The following ATP1B3 variants were observed in gnomAD, a reference collection of about 807,000 sequenced individuals.
ATP1B3 encodes the protein sodium/potassium-transporting ATPase subunit beta-3.
A neutral mutation model predicts 30.2 loss-of-function variants in ATP1B3; 10 were observed. The observed-to-expected ratio is 0.33, with a 90% confidence interval of 0.20 to 0.56. The LOEUF (loss-of-function observed/expected upper bound fraction) is 0.56. Among genes scored for constraint, ATP1B3 ranks in the 20% least tolerant of loss-of-function variants. ATP1B3 has a pLI of 0.90. For synonymous variants in ATP1B3, 113 were observed against 117.0 expected (o/e 0.97, Z 0.22); for missense variants, 238 against 336.7 (o/e 0.71, Z 2.29).
chr3:141,915,848 C>G (rs41265477), intron 4 of ATP1B3, 122 bp from the exon 5 acceptor site: 33,086 of 527,400 alleles, frequency 0.063, 1,212 homozygotes, highest in Middle Eastern at 0.12. Context: ...AAGTAAAAGG[C>G]AGATGTATAC....
intron 1 of ATP1B3, among the ~76,000 whole-genome samples, chr3:141,896,371 A>C (rs554347683): frequency 1.5e-4 from 23 of 152,146 alleles, no homozygotes; most frequent in African/African-American, 5.3e-4. Flanking sequence ...ATTTTTTTTA[A>C]TTAGCTGGGC....
intron 1 of ATP1B3, among the ~76,000 whole-genome samples, chr3:141,900,077 C>T (rs1409873465): frequency 3.9e-5 from 6 of 151,928 alleles, no homozygotes; most frequent in African/African-American, 1.5e-4. Context: ...AGGTTCCTGG[C>T]ACAGAGCTTC....
chr3:141,894,116 TAAA>T (rs1221965761), intron 1 of ATP1B3, among the ~76,000 whole-genome samples: 1 of 152,106 alleles, frequency 6.6e-6, no homozygotes, highest in Non-Finnish European at 1.5e-5. Context: ...CATGTAAACA[TAAA>T]AAATGGTATA....
intron 4 of ATP1B3, among the ~76,000 whole-genome samples, chr3:141,915,543 C>T (rs1184950568): frequency 6.6e-6 from 1 of 152,026 alleles, no homozygotes; most frequent in South Asian, 2.1e-4. Flanking sequence ...CTCAGTGGGG[C>T]CCTCATGGAA....
chr3:141,916,485 C>G, intron 5 of ATP1B3: 1 of 1,108,520 alleles, frequency 9.0e-7, no homozygotes, highest in Non-Finnish European at 1.2e-6. Flanking sequence ...ACTTTTTTTT[C>G]CAGAATACTG....
rs141842101 is a variant in ATP1B3 at position 141,924,023 on chromosome 3, A to G, written c.670-1508A>G. ...ATATACTTTTTTTCCTCTGTCATCAATAAGTATCATGTGGGGAGAAAATTA... is the reference window on the plus strand; with the variant it reads ...ATATACTTTTTTTCCTCTGTCATCAGTAAGTATCATGTGGGGAGAAAATTA... On this transcript the variant is annotated intron_variant, in intron 6 of 6. Coordinates refer to ENST00000286371, the MANE Select transcript of ATP1B3 (RefSeq NM_001679.4). 2.0e-4 allele frequency among the ~76,000 whole-genome samples: 30 copies of G among 152,304 alleles called. No homozygotes were observed. In the East Asian group the frequency reaches 5.0e-3, roughly 26 times the overall value.
intron 3 of ATP1B3, among the ~76,000 whole-genome samples, chr3:141,912,917 T>C (rs1934391362): frequency 6.6e-6 from 1 of 152,212 alleles, no homozygotes; most frequent in African/African-American, 2.4e-5. Flanking sequence ...TTTAATAGTC[T>C]CCTAACTTGT....
chr3:141,885,914 CACACACA>C (rs1933821892), intron 1 of ATP1B3, among the ~76,000 whole-genome samples: 1 of 151,274 alleles, frequency 6.6e-6, no homozygotes, highest in African/African-American at 2.4e-5. Context: ...CACACACACA[CACACACA>C]CACCCCTGTA....
At position 141,903,681 on chromosome 3, in the gene ATP1B3, G is replaced by A. The variant is rs1934210025; in HGVS notation, c.171G>A (p.Thr57=). 6 of 1,613,918 alleles carry A rather than the reference G, an allele frequency of 3.7e-6. No homozygotes were observed. The highest frequency in any genetic ancestry group is 1.3e-5 in the African/African-American group (1 of 74,892). ...YGFLAALFSF[T]MWVMLQTLND... is the part of the protein sequence containing the mutation. ...TCCTGGCTGCACTCTTCTCATTCAC[G>A]ATGTGGGTTATGCTTCAGACTCTCA... Residue 57 remains threonine (T), a synonymous_variant, in exon 2 of 7, where the codon ACG becomes ACA. Transcript: ENST00000286371.
rs1356995566 is a variant in ATP1B3 at position 141,926,216 on chromosome 3, T to C, written c.*515T>C. 1 of 152,460 alleles carries C rather than the reference T, an allele frequency of 6.6e-6. No individual in the cohort carries two copies. The highest frequency in any genetic ancestry group is 1.5e-5 in the Non-Finnish European group (1 of 68,070). 9.4% of individuals were successfully genotyped at this position (152,460 alleles called of 1,614,324 possible). On this transcript the variant is annotated 3_prime_UTR_variant, in exon 7 of 7. Coordinates refer to ENST00000286371, the MANE Select transcript of ATP1B3 (RefSeq NM_001679.4). ...TTGAAAAATATTATCTTGGGTTCTT[T>C]GTAAAATTTATTTTTTACATGCTGA...
chr3:141,915,537 G>A (rs1172346932), intron 4 of ATP1B3, among the ~76,000 whole-genome samples: 1 of 152,258 alleles, frequency 6.6e-6, no homozygotes, highest in African/African-American at 2.4e-5. Flanking sequence ...GTGAGGCTCA[G>A]TGGGGCCCTC....
At chr3:141,887,730 A>G (rs1933862926) in intron 1 of ATP1B3, among the ~76,000 whole-genome samples, 1 of 152,252 alleles carries the variant, frequency 6.6e-6, no homozygotes, top group South Asian at 2.1e-4. Context: ...AATGGTAAAA[A>G]GGAATGAACT....
At chr3:141,879,563 G>T (rs1018453416) in intron 1 of ATP1B3, among the ~76,000 whole-genome samples, 5 of 151,722 alleles carry the variant, frequency 3.3e-5, no homozygotes, top group African/African-American at 1.2e-4. Flanking sequence ...CTTGAGGGCA[G>T]GAGTTCAAGA....
At chr3:141,910,938 T>G (rs1439827366) in intron 3 of ATP1B3, among the ~76,000 whole-genome samples, 2 of 152,138 alleles carry the variant, frequency 1.3e-5, no homozygotes, top group African/African-American at 4.8e-5. Context: ...ATTTGCTAGT[T>G]TATCTCCATA....
At chr3:141,891,546 G>T (rs1933953396) in intron 1 of ATP1B3, among the ~76,000 whole-genome samples, 1 of 151,964 alleles carries the variant, frequency 6.6e-6, no homozygotes, top group African/African-American at 2.4e-5. Context: ...AAACACTTTT[G>T]ATCAAGTTGA....
At chr3:141,899,419 C>G (rs992801505) in intron 1 of ATP1B3, among the ~76,000 whole-genome samples, 4 of 152,200 alleles carry the variant, frequency 2.6e-5, no homozygotes, top group African/African-American at 9.7e-5. Context: ...CCCAATCTTT[C>G]TAGCATCTAG....
intron 1 of ATP1B3, among the ~76,000 whole-genome samples, chr3:141,897,820 C>G (rs1298788527): frequency 6.6e-6 from 1 of 152,156 alleles, no homozygotes; most frequent in African/African-American, 2.4e-5. Context: ...AGCGATTCTC[C>G]CACCTCAGCC....
At chr3:141,893,049 G>A (rs996231721) in intron 1 of ATP1B3, among the ~76,000 whole-genome samples, 2 of 152,082 alleles carry the variant, frequency 1.3e-5, no homozygotes, top group African/African-American at 4.8e-5. Context: ...CACCCAGGCT[G>A]GAGTGCAGTG....
chr3:141,879,250 C>A (rs1310537018), intron 1 of ATP1B3, among the ~76,000 whole-genome samples: 2 of 152,078 alleles, frequency 1.3e-5, no homozygotes, highest in African/African-American at 4.8e-5. Flanking sequence ...ACAGGTTTCC[C>A]TATATTCACC....
Sources: gnomAD v4.1 joint callset for allele counts (sites outside exome capture counted in the v4.1 genomes callset) on GRCh38, gnomAD v4.1.1 for gene constraint, MANE v1.5 for transcripts, NCBI Gene and HGNC (gene_info 2026-07-23, HGNC 2026-07-21) for gene names.